Variants in FAM107B observed in about 807,000 individuals in gnomAD.
FAM107B encodes the protein family with sequence similarity 107 member B, also known as protein FAM107B.
FAM107B carries 21 observed loss-of-function variants against 31.5 expected under a neutral mutation model. That is an observed-to-expected ratio of 0.67 (90% CI 0.47 to 0.96). FAM107B has a LOEUF of 0.96. Among genes scored for constraint, FAM107B ranks in the 40% least tolerant of loss-of-function variants. FAM107B has a pLI of 0.00. For missense variants in FAM107B, 452 were observed against 377.1 expected (o/e 1.20, Z -1.64); for synonymous variants, 157 against 141.5 (o/e 1.11, Z -0.78).
chr10:14,587,448 C>T (rs1007549031), intron 2 of FAM107B, among the ~76,000 whole-genome samples: 1 of 152,124 alleles, frequency 6.6e-6, no homozygotes, highest in African/African-American at 2.4e-5. Flanking sequence ...ACACAGTCGA[C>T]AAAGATAGTT....
At chr10:14,563,158 T>C (rs542169530) in intron 2 of FAM107B, among the ~76,000 whole-genome samples, 34 of 152,204 alleles carry the variant, frequency 2.2e-4, no homozygotes, top group Admixed American at 1.8e-3. Flanking sequence ...ACCACTCAAA[T>C]TGGAAATACT....
intron 1 of FAM107B, among the ~76,000 whole-genome samples, chr10:14,696,356 A>G (rs1197253459): frequency 6.6e-6 from 1 of 152,226 alleles, no homozygotes; most frequent in Non-Finnish European, 1.5e-5. Flanking sequence ...GTCATGATGT[A>G]AAATCTTTTT....
Position 14,577,198 on chromosome 10 carries a change from T to C in FAM107B, c.470-46683A>G, listed in dbSNP as rs146367377. 6.5e-4 allele frequency among the ~76,000 whole-genome samples: 99 copies of C among 152,348 alleles called. 4 individuals are homozygous for C. In the East Asian group the frequency reaches 0.018, roughly 28 times the overall value. On this transcript the variant is annotated intron_variant, in intron 2 of 4. Coordinates refer to ENST00000181796, the MANE Select transcript of FAM107B (RefSeq NM_031453.4). The stretch of plus-strand genomic sequence containing the variant: ...CTAATTGCGTATTCTCGATGTGTAC[T>C]TACAAAGGTGTTTCTCTGTCAAATC...
chr10:14,633,060 G>T (rs556481661), intron 2 of FAM107B, among the ~76,000 whole-genome samples: 1 of 151,998 alleles, frequency 6.6e-6, no homozygotes, highest in African/African-American at 2.4e-5. Context: ...TTAGCTGGGC[G>T]TAGTGGTGCA....
intron 1 of FAM107B, among the ~76,000 whole-genome samples, chr10:14,669,804 G>T (rs931345200): frequency 6.6e-6 from 1 of 152,204 alleles, no homozygotes; most frequent in Non-Finnish European, 1.5e-5. Flanking sequence ...ATGAAGAGAG[G>T]TTGGTTAATG....
chr10:14,541,464 C>T (rs144462483), intron 2 of FAM107B, among the ~76,000 whole-genome samples: 6 of 152,286 alleles, frequency 3.9e-5, no homozygotes, highest in Admixed American at 3.9e-4. Context: ...CCTCTGCTTC[C>T]GATTTCCTCC....
chr10:14,673,381 T>C (rs1854606170), intron 1 of FAM107B, among the ~76,000 whole-genome samples: 1 of 152,224 alleles, frequency 6.6e-6, no homozygotes, highest in African/African-American at 2.4e-5. Flanking sequence ...AGTCAGAACA[T>C]GTGGTATCTG....
chr10:14,598,110 C>T (rs1852246809), intron 2 of FAM107B, among the ~76,000 whole-genome samples: 2 of 152,300 alleles, frequency 1.3e-5, no homozygotes, highest in African/African-American at 4.8e-5. Flanking sequence ...CAACATTTTT[C>T]CCCATTCCAC....
chr10:14,587,548 T>G (rs1851884785), intron 2 of FAM107B, among the ~76,000 whole-genome samples: 1 of 152,208 alleles, frequency 6.6e-6, no homozygotes, highest in Non-Finnish European at 1.5e-5. Flanking sequence ...TCCATTAGTA[T>G]GAATAAGAAT....
chr10:14,575,194 A>C (rs1411076048), intron 2 of FAM107B, among the ~76,000 whole-genome samples: 2 of 146,458 alleles, frequency 1.4e-5, no homozygotes, highest in South Asian at 2.4e-4. Flanking sequence ...CACGCTAAAG[A>C]AGCTTTTTGT....
chr10:14,566,404 T>C (rs1175580938), intron 2 of FAM107B, among the ~76,000 whole-genome samples: 1 of 152,060 alleles, frequency 6.6e-6, no homozygotes. Flanking sequence ...TAAGGACCTG[T>C]GCGGCATGGA....
chr10:14,651,494 A>G (rs1192896104), intron 2 of FAM107B, among the ~76,000 whole-genome samples: 1 of 152,140 alleles, frequency 6.6e-6, no homozygotes. Flanking sequence ...AATCCCAGCT[A>G]CTTAGGAGGC....
Position 14,663,962 on chromosome 10 carries a change from T to C in FAM107B, c.469+3672A>G, listed in dbSNP as rs144261370. The stretch of plus-strand genomic sequence containing the variant: ...CACTTGGAATCCAATTTACAGTATT[T>C]GGGTTTTGCTTTATAAACACCCTGG... On this transcript the variant is annotated intron_variant, in intron 2 of 4. Coordinates refer to ENST00000181796, the MANE Select transcript of FAM107B (RefSeq NM_031453.4). Among the ~76,000 whole-genome samples, 4 of 151,832 alleles carry C rather than the reference T, an allele frequency of 2.6e-5. No individual in the cohort carries two copies. The East Asian group carries it at 5.8e-4, about 22-fold the overall frequency.
intron 2 of FAM107B, among the ~76,000 whole-genome samples, chr10:14,561,433 C>A (rs1850232500): frequency 6.6e-6 from 1 of 152,208 alleles, no homozygotes; most frequent in African/African-American, 2.4e-5. Flanking sequence ...AGGGACATAG[C>A]CAAGGGCTAC....
chr10:14,685,308 CCCG>C (rs1854956742), intron 1 of FAM107B, among the ~76,000 whole-genome samples: 1 of 152,068 alleles, frequency 6.6e-6, no homozygotes, highest in East Asian at 1.9e-4. Context: ...ACCACCATGA[CCCG>C]CTAATTTTTA....
At chr10:14,553,584 ACTGGGC>A in intron 2 of FAM107B, 1 of 313,228 alleles carries the variant, frequency 3.2e-6, no homozygotes, top group Non-Finnish European at 6.3e-6. Context: ...CACACAGGAA[ACTGGGC>A]AAAAAGAGTA....
At chr10:14,528,827 A>G (rs1410740449) in intron 3 of FAM107B, among the ~76,000 whole-genome samples, 3 of 152,236 alleles carry the variant, frequency 2.0e-5, no homozygotes, top group Non-Finnish European at 4.4e-5. Flanking sequence ...ACTACTAAAT[A>G]TATTTTTGCA....
chr10:14,626,576 T>TCA (rs1251883072), intron 2 of FAM107B, among the ~76,000 whole-genome samples: 1 of 144,324 alleles, frequency 6.9e-6, no homozygotes, highest in Non-Finnish European at 1.5e-5. Flanking sequence ...TGAGCTCGAC[T>TCA]CACTGCAAGC....
intron 2 of FAM107B, among the ~76,000 whole-genome samples, chr10:14,605,341 A>T (rs1852561618): frequency 6.6e-6 from 1 of 150,624 alleles, no homozygotes; most frequent in Non-Finnish European, 1.5e-5. Context: ...CTTGAATCAC[A>T]GCAGGTACAA....
Sources: allele counts gnomAD v4.1 joint callset (sites outside exome capture counted in the v4.1 genomes callset), GRCh38; gene constraint gnomAD v4.1.1; transcripts MANE v1.5; gene names NCBI Gene and HGNC (gene_info 2026-07-23, HGNC 2026-07-21).